The following NALF1 variants were observed in gnomAD, a reference collection of about 807,000 sequenced individuals.
NALF1 encodes family with sequence similarity 155 member A.
In NALF1, 3 loss-of-function variants were observed where a neutral mutation model predicts 48.4. That is an observed-to-expected ratio of 0.06 (90% CI 0.03 to 0.16). The LOEUF (loss-of-function observed/expected upper bound fraction) is 0.16, where lower values mean the gene tolerates loss of function less well. Among genes scored for constraint, NALF1 ranks in the 10% least tolerant of loss-of-function variants. The pLI is 1.00. For missense variants in NALF1, 526 were observed against 571.5 expected, an observed-to-expected ratio of 0.92 and a Z score of 0.81; for synonymous variants, 262 against 245.7, an observed-to-expected ratio of 1.07 and a Z score of -0.62.
intron 1 of NALF1, among the ~76,000 whole-genome samples, chr13:107,792,705 CACTT>C (rs1479135090): frequency 1.1e-4 from 17 of 152,160 alleles, no homozygotes; most frequent in African/African-American, 3.6e-4. Context: ...AAGAGTGAAA[CACTT>C]ATGTAACAGT....
chr13:107,209,432 C>A (rs9587321), intron 2 of NALF1, among the ~76,000 whole-genome samples: 4 of 150,538 alleles, frequency 2.7e-5, no homozygotes, highest in African/African-American at 9.8e-5. Context: ...ACTTGAACCC[C>A]GGAGGCGGAG....
At chr13:107,589,208 T>C (rs1011973284) in intron 1 of NALF1, among the ~76,000 whole-genome samples, 1 of 152,092 alleles carries the variant, frequency 6.6e-6, no homozygotes, top group Non-Finnish European at 1.5e-5. Flanking sequence ...ACATTTTTTA[T>C]GAATACTGGC....
chr13:107,495,488 T>G (rs1875299846), intron 1 of NALF1, among the ~76,000 whole-genome samples: 1 of 152,204 alleles, frequency 6.6e-6, no homozygotes, highest in Admixed American at 6.6e-5. Flanking sequence ...CACATATGAA[T>G]GTTCACAAAT....
intron 1 of NALF1, among the ~76,000 whole-genome samples, chr13:107,262,206 A>G (rs1234466041): frequency 6.6e-6 from 1 of 152,036 alleles, no homozygotes; most frequent in African/African-American, 2.4e-5. Flanking sequence ...CCTGAAATTA[A>G]GAGTTCTAAA....
intron 2 of NALF1, among the ~76,000 whole-genome samples, chr13:107,177,642 G>A (rs1003999806): frequency 3.3e-5 from 5 of 152,140 alleles, no homozygotes; most frequent in Admixed American, 2.6e-4. Flanking sequence ...ATATGTTGGG[G>A]GAAAGGACAG....
At chr13:107,424,649 T>C (rs1438340299) in intron 1 of NALF1, among the ~76,000 whole-genome samples, 2 of 152,160 alleles carry the variant, frequency 1.3e-5, no homozygotes, top group East Asian at 3.9e-4. Flanking sequence ...GCAATGACAG[T>C]CACTTGTAAA....
chr13:107,189,234 T>G (rs750182067), intron 2 of NALF1, among the ~76,000 whole-genome samples: 3 of 152,224 alleles, frequency 2.0e-5, no homozygotes, highest in Non-Finnish European at 4.4e-5. Context: ...GAACAAAGAC[T>G]GTCTGCAGCC....
At chr13:107,356,765 A>C (rs989809936) in intron 1 of NALF1, among the ~76,000 whole-genome samples, 1 of 152,186 alleles carries the variant, frequency 6.6e-6, no homozygotes, top group Admixed American at 6.5e-5. Context: ...ACTCAAACAG[A>C]ATAATTTTCT....
At chr13:107,584,272 T>C (rs977431693) in intron 1 of NALF1, among the ~76,000 whole-genome samples, 17 of 152,252 alleles carry the variant, frequency 1.1e-4, no homozygotes, top group Middle Eastern at 3.4e-3. Context: ...ATATCACAGT[T>C]ATTTAAGAGA....
At chr13:107,795,977 T>A (rs933925848) in intron 1 of NALF1, among the ~76,000 whole-genome samples, 4 of 152,202 alleles carry the variant, frequency 2.6e-5, no homozygotes, top group African/African-American at 9.6e-5. Context: ...GATTGAATAC[T>A]ACTAGGCTTA....
chr13:107,344,005 A>G (rs1882729921), intron 1 of NALF1, among the ~76,000 whole-genome samples: 1 of 152,140 alleles, frequency 6.6e-6, no homozygotes, highest in African/African-American at 2.4e-5. Context: ...TCAGAAATGA[A>G]AGATGAGACA....
rs907477340 is a variant in NALF1 at position 107,362,738 on chromosome 13, A to G, written c.916-151983T>C. On this transcript the variant is annotated intron_variant, in intron 1 of 2. Coordinates refer to ENST00000375915, the MANE Select transcript of NALF1 (RefSeq NM_001080396.3). This position sits in a 1 kb window ranked among gnomAD's most constrained non-coding sequence, Gnocchi z 4.6. ...GTGTCTGGAGGGATGTGGAGCTCCT[A>G]TGATCCAGCAAACACCGTGTGTGCT... Among the ~76,000 whole-genome samples the G allele has an allele frequency of 5.3e-5, 8 of 152,234 alleles. No homozygotes were observed. The highest frequency in any genetic ancestry group is 1.7e-4 in the African/African-American group (7 of 41,538).
rs150884691 is a variant in NALF1 at position 107,771,760 on chromosome 13, C to T, written c.915+93922G>A. ...AAAAGCATTTCTTTTCTTTTTTTGA[C>T]GGAGTCTCGCTCTATCGCCAGGCTG... On this transcript the variant is annotated intron_variant, in intron 1 of 2. Transcript: ENST00000375915. Among the ~76,000 whole-genome samples the T allele has an allele frequency of 6.2e-4, 95 of 152,116 alleles. No homozygotes were observed. The East Asian group carries it at 0.015, about 25-fold the overall frequency.
chr13:107,209,543 G>T (rs1594071227), intron 2 of NALF1, among the ~76,000 whole-genome samples: 1 of 151,992 alleles, frequency 6.6e-6, no homozygotes, highest in East Asian at 1.9e-4. Context: ...CTTAGGGCGA[G>T]CTTTGGCAGA....
At chr13:107,186,801 G>C (rs895930996) in intron 2 of NALF1, among the ~76,000 whole-genome samples, 1 of 152,156 alleles carries the variant, frequency 6.6e-6, no homozygotes, top group African/African-American at 2.4e-5. Flanking sequence ...TTATCTCATA[G>C]TTCTGTAAGT....
At chr13:107,864,171 T>A (rs1880649639) in intron 1 of NALF1, among the ~76,000 whole-genome samples, 1 of 152,224 alleles carries the variant, frequency 6.6e-6, no homozygotes, top group Admixed American at 6.5e-5. Flanking sequence ...AGGCATAAGT[T>A]AAAGTGATAT....
At chr13:107,302,570 TGA>T (rs1881858400) in intron 1 of NALF1, among the ~76,000 whole-genome samples, 1 of 151,772 alleles carries the variant, frequency 6.6e-6, no homozygotes. Flanking sequence ...CCAATGGAAA[TGA>T]GAGGGGAAAA....
At chr13:107,549,505 G>T (rs1372129682) in intron 1 of NALF1, among the ~76,000 whole-genome samples, 1 of 152,136 alleles carries the variant, frequency 6.6e-6, no homozygotes, top group Non-Finnish European at 1.5e-5. Context: ...TTGAAGACAT[G>T]TATCTTCCAG....
intron 1 of NALF1, among the ~76,000 whole-genome samples, chr13:107,814,131 A>G (rs941326438): frequency 2.6e-5 from 4 of 152,180 alleles, no homozygotes; most frequent in Non-Finnish European, 5.9e-5. Context: ...GTGGCTGGAC[A>G]AGAGTTGTAC....
Sources: allele counts gnomAD v4.1 joint callset (sites outside exome capture counted in the v4.1 genomes callset), GRCh38; gene constraint gnomAD v4.1.1; non-coding constraint Gnocchi (gnomAD v3.1); transcripts MANE v1.5; gene names NCBI Gene and HGNC (gene_info 2026-07-23, HGNC 2026-07-21).